ADAMTSL3: variants seen among roughly 807,000 people sequenced by gnomAD.
The protein encoded by ADAMTSL3 is ADAMTS-like protein 3.
A neutral mutation model predicts 201.7 loss-of-function variants in ADAMTSL3; 128 were observed. The ratio of observed to expected loss-of-function variants is 0.63; its 90% CI spans 0.55 to 0.73. The LOEUF (loss-of-function observed/expected upper bound fraction) is 0.73. Among genes scored for constraint, ADAMTSL3 ranks in the 30% least tolerant of loss-of-function variants. The pLI is 0.00. For synonymous variants in ADAMTSL3, 738 were observed against 748.4 expected, an observed-to-expected ratio of 0.99 and a Z score of 0.23; for missense variants, 1,990 against 2,119.6, an observed-to-expected ratio of 0.94 and a Z score of 1.20.
intron 2 of ADAMTSL3, among the ~76,000 whole-genome samples, chr15:83,690,846 A>C (rs2061600277): frequency 6.6e-6 from 1 of 152,238 alleles, no homozygotes; most frequent in East Asian, 1.9e-4. Flanking sequence ...ATACATTTGT[A>C]CAGCTTCTTA....
chr15:83,890,074 T>G, intron 10 of ADAMTSL3, 35 bp from the exon 11 acceptor site: 1 of 1,576,264 alleles, frequency 6.3e-7, no homozygotes, highest in Non-Finnish European at 8.6e-7. Context: ...ATGAAACGGA[T>G]GCAATATTCA....
At chr15:83,705,933 A>T (rs980476509) in intron 3 of ADAMTSL3, among the ~76,000 whole-genome samples, 4 of 152,096 alleles carry the variant, frequency 2.6e-5, no homozygotes, top group African/African-American at 9.7e-5. Context: ...TGAGTGCATT[A>T]CTAGTCATTG....
intron 19 of ADAMTSL3, among the ~76,000 whole-genome samples, chr15:83,967,293 C>T (rs1178508364): frequency 1.3e-5 from 2 of 152,076 alleles, no homozygotes; most frequent in Admixed American, 1.3e-4. Context: ...TCATCTTAGC[C>T]CAAAATCTCC....
intron 19 of ADAMTSL3, among the ~76,000 whole-genome samples, chr15:83,959,853 C>G (rs2066930160): frequency 6.6e-6 from 1 of 152,184 alleles, no homozygotes; most frequent in Non-Finnish European, 1.5e-5. Context: ...AGCAGACACA[C>G]AGTCACAGAA....
intron 4 of ADAMTSL3, among the ~76,000 whole-genome samples, chr15:83,775,131 C>T (rs1596184469): frequency 6.6e-6 from 1 of 152,316 alleles, no homozygotes; most frequent in Admixed American, 6.5e-5. Context: ...CAGGCTTGAG[C>T]CACCATGCCC....
Position 83,744,232 on chromosome 15 carries a change from A to C in ADAMTSL3, c.190-29291A>C, listed in dbSNP as rs573965030. Among the ~76,000 whole-genome samples the C allele has an allele frequency of 3.9e-5, 6 of 152,342 alleles. No individual in the cohort carries two copies. In the South Asian group the frequency reaches 1.2e-3, roughly 32 times the overall value. On this transcript the variant is annotated intron_variant, in intron 3 of 29. Transcript: ENST00000286744. ...TAGCATACTTAATTCTAATAGTTCC[A>C]GAAAAAGCAGGGCTTTGCTATATAG...
intron 2 of ADAMTSL3, among the ~76,000 whole-genome samples, chr15:83,677,871 C>G (rs772181228): frequency 1.3e-5 from 2 of 151,298 alleles, no homozygotes; most frequent in Non-Finnish European, 2.9e-5. Flanking sequence ...CTTTTCTTGC[C>G]TTCCTGTGGG....
chr15:83,991,290 C>A, intron 23 of ADAMTSL3, 76 bp downstream of exon 23: 1 of 1,593,250 alleles, frequency 6.3e-7, no homozygotes, highest in Non-Finnish European at 8.6e-7. Context: ...CCAGGAAACA[C>A]CAGCTGGCAT....
At chr15:83,805,944 C>T (rs1360434132) in intron 5 of ADAMTSL3, among the ~76,000 whole-genome samples, 1 of 152,186 alleles carries the variant, frequency 6.6e-6, no homozygotes, top group Admixed American at 6.5e-5. Context: ...ACGCGGCAGT[C>T]CTCACAGGCC....
chr15:83,702,632 T>G (rs1278864094), intron 2 of ADAMTSL3, among the ~76,000 whole-genome samples: 2 of 152,164 alleles, frequency 1.3e-5, no homozygotes, highest in African/African-American at 4.8e-5. Flanking sequence ...TCTTGGCATC[T>G]TCCTTGTGAT....
intron 3 of ADAMTSL3, among the ~76,000 whole-genome samples, chr15:83,744,482 TTGGCA>T (rs1420771498): frequency 1.3e-5 from 2 of 152,190 alleles, no homozygotes; most frequent in African/African-American, 4.8e-5. Flanking sequence ...TTAATTTTAA[TTGGCA>T]AAAATTGTAT....
At chr15:83,745,918 C>G (rs556526341) in intron 3 of ADAMTSL3, among the ~76,000 whole-genome samples, 1 of 152,166 alleles carries the variant, frequency 6.6e-6, no homozygotes, top group Non-Finnish European at 1.5e-5. Context: ...ATGACTTTCA[C>G]ATAATCTCTT....
rs115199826 is a variant in ADAMTSL3, at chr15:83,838,550, A to G, written c.727+335A>G. On this transcript the variant is annotated intron_variant, in intron 7 of 29. Transcript: ENST00000286744. ...AACAAGGTAGAAAATATTGTCATGT[A>G]TCTATTGACCATTTATACTTTTTAA... Among the ~76,000 whole-genome samples, 520 of 152,322 alleles carry G rather than the reference A, an allele frequency of 3.4e-3. 2 individuals carry two copies. The highest frequency in any genetic ancestry group is 0.012 in the African/African-American group (495 of 41,584).
intron 3 of ADAMTSL3, among the ~76,000 whole-genome samples, chr15:83,745,123 G>A (rs2062523615): frequency 6.6e-6 from 1 of 152,226 alleles, no homozygotes; most frequent in South Asian, 2.1e-4. Context: ...TCAGAGAGAA[G>A]CGGCTTGACT....
chr15:83,691,105 C>T (rs1232992411), intron 2 of ADAMTSL3, among the ~76,000 whole-genome samples: 1 of 152,156 alleles, frequency 6.6e-6, no homozygotes, highest in African/African-American at 2.4e-5. Flanking sequence ...GTTTTTCTCT[C>T]CTGCGCCTCC....
intron 2 of ADAMTSL3, among the ~76,000 whole-genome samples, chr15:83,677,550 TTATC>T (rs2061423700): frequency 6.6e-6 from 1 of 152,160 alleles, no homozygotes; most frequent in Non-Finnish European, 1.5e-5. Flanking sequence ...GAGGTTTACT[TTATC>T]TAATATGAAT....
intron 15 of ADAMTSL3, among the ~76,000 whole-genome samples, chr15:83,904,484 A>C (rs2065796882): frequency 6.6e-6 from 1 of 152,182 alleles, no homozygotes; most frequent in South Asian, 2.1e-4. Flanking sequence ...AGCCAGCCTG[A>C]AGGAGATAAA....
intron 4 of ADAMTSL3, among the ~76,000 whole-genome samples, chr15:83,804,340 C>T (rs571846835): frequency 6.6e-6 from 1 of 152,280 alleles, no homozygotes; most frequent in South Asian, 2.1e-4. Flanking sequence ...CATATGCACA[C>T]ATGAGACACA....
intron 2 of ADAMTSL3, among the ~76,000 whole-genome samples, chr15:83,700,484 C>G (rs769905814): frequency 2.0e-5 from 3 of 152,200 alleles, no homozygotes; most frequent in Non-Finnish European, 2.9e-5. Context: ...ATGATTCTGG[C>G]TGGGCGCGGT....
Sources: allele counts gnomAD v4.1 joint callset (sites outside exome capture counted in the v4.1 genomes callset), GRCh38; gene constraint gnomAD v4.1.1; transcripts MANE v1.5; gene names NCBI Gene and HGNC (gene_info 2026-07-23, HGNC 2026-07-21).